PRMT2: variants seen among roughly 807,000 people sequenced by gnomAD.
PRMT2 encodes the protein protein arginine methyltransferase 2.
PRMT2 carries 26 observed loss-of-function variants against 57.6 expected under a neutral mutation model. The ratio of observed to expected loss-of-function variants is 0.45; its 90% CI spans 0.33 to 0.63. The LOEUF is 0.63. PRMT2 is among the 20% of genes least tolerant of loss of function. The pLI is 0.02. For synonymous variants in PRMT2, 219 were observed against 220.0 expected (o/e 1.00, Z 0.04); for missense variants, 472 against 564.4 (o/e 0.84, Z 1.66).
In PRMT2 at chr21:46,648,663, T is replaced by A; in HGVS notation, c.489+44T>A. Reference sequence around the variant, plus strand: ...GCATCCCGGGTGTTTGTGCCGAGGCTGGTGACGTCCGAGGTGGCCTCTGAG... The same window carrying A: ...GCATCCCGGGTGTTTGTGCCGAGGCAGGTGACGTCCGAGGTGGCCTCTGAG... On this transcript the variant is annotated intron_variant, in intron 6 of 11. Coordinates refer to ENST00000355680, the MANE Select transcript of PRMT2 (RefSeq NM_206962.4). This position sits in a 1 kb window ranked among gnomAD's most constrained non-coding sequence, Gnocchi z 4.8. The A allele has an allele frequency of 6.2e-7, 1 of 1,600,358 alleles. No homozygotes were observed. Among genetic ancestry groups the A allele is most frequent in the South Asian group, 1.1e-5 (1 of 90,534 alleles).
intron 7 of PRMT2, chr21:46,651,950 C>G: frequency 6.2e-7 from 1 of 1,613,334 alleles, no homozygotes; most frequent in Admixed American, 1.7e-5. Flanking sequence ...TCTGCCTGTT[C>G]TCAGAGCCCC....
chr21:46,664,177 T>A (rs1010016292), intron 11 of PRMT2, 118 bp from the exon 12 acceptor site: 5 of 804,830 alleles, frequency 6.2e-6, no homozygotes, highest in African/African-American at 1.7e-5. Context: ...GTTTGTCATT[T>A]AAAAAAATTC....
rs1280614199 is a variant in PRMT2, at chr21:46,649,753, T to TGCGG, written c.654+17_654+20dup. The TGCGG allele has an allele frequency of 1.2e-6, 2 of 1,608,718 alleles. No homozygotes were observed. Among genetic ancestry groups the TGCGG allele is most frequent in the Non-Finnish European group, 1.7e-6 (2 of 1,177,770 alleles). ...ACCTGCCTGCTGGTGAGGGCGGGCG[T>TGCGG]GCGGGCAGCTGGGGGCCGGAGCTGG... On this transcript the variant is annotated intron_variant, in intron 7 of 11. Coordinates refer to ENST00000355680, the MANE Select transcript of PRMT2 (RefSeq NM_206962.4). The surrounding 1 kb of genome is among the most constrained non-coding windows in gnomAD (Gnocchi z 4.8).
chr21:46,645,102 T>C (rs371188384), intron 5 of PRMT2, among the ~76,000 whole-genome samples: 4 of 112,742 alleles, frequency 3.5e-5, no homozygotes, highest in Non-Finnish European at 5.9e-5. Flanking sequence ...AAAAAAAAAA[T>C]TAAAAAAAAA....
chr21:46,649,414 G>C lies in PRMT2; in HGVS notation c.490-161G>C, dbSNP rs1257397635. On this transcript the variant is annotated intron_variant, in intron 6 of 11. Coordinates refer to ENST00000355680, the MANE Select transcript of PRMT2 (RefSeq NM_206962.4). The surrounding 1 kb of genome is among the most constrained non-coding windows in gnomAD (Gnocchi z 4.8). ...GGCGGCTCCTTTCTGGGTGCCCCTG[G>C]AGGGGCAGGTGTGGCCAGTCCTCGC... The C allele has an allele frequency of 1.3e-5, 14 of 1,114,718 alleles. No individual in the cohort carries two copies. The highest frequency in any genetic ancestry group is 1.7e-5 in the Non-Finnish European group (13 of 753,096). 69.1% of individuals were successfully genotyped at this position (1,114,718 alleles called of 1,614,324 possible).
chr21:46,659,989 A>C, intron 8 of PRMT2: 2 of 983,660 alleles, frequency 2.0e-6, no homozygotes, highest in Non-Finnish European at 2.4e-6. Flanking sequence ...GGATAAAAAT[A>C]AGTATATCAC....
chr21:46,661,963 GTGC>G, intron 10 of PRMT2, 27 bp downstream of exon 10: 1 of 1,173,916 alleles, frequency 8.5e-7, no homozygotes, highest in Non-Finnish European at 1.1e-6. Flanking sequence ...CGGGCACGGG[GTGC>G]GGGGTGGGGG....
chr21:46,659,076 T>G, intron 8 of PRMT2, 156 bp downstream of exon 8: 1 of 1,426,088 alleles, frequency 7.0e-7, no homozygotes, highest in Non-Finnish European at 9.2e-7. Context: ...ATTGGAGTAA[T>G]TAAAGCAGTA....
rs959146221 is a variant in PRMT2, at chr21:46,648,825, G to C, written c.489+206G>C. 6.6e-6 allele frequency among the ~76,000 whole-genome samples: 1 copy of C among 152,216 alleles called. No individual in the cohort carries two copies. Among genetic ancestry groups the C allele is most frequent in the South Asian group, 2.1e-4 (1 of 4,838 alleles). On this transcript the variant is annotated intron_variant, in intron 6 of 11. Transcript: ENST00000355680. This position sits in a 1 kb window ranked among gnomAD's most constrained non-coding sequence, Gnocchi z 4.8. ...GCGTGCTAGAGGCCGTGGCGCCCGC[G>C]TACAATGAGTCGCAGACAGCACAGA...
At chr21:46,651,672 C>A in intron 7 of PRMT2, 1 of 1,009,370 alleles carries the variant, frequency 9.9e-7, no homozygotes, top group Non-Finnish European at 1.5e-6. Context: ...AGGCCCAGAA[C>A]AGGGCAGACG....
chr21:46,644,139 G>A (rs1204836536), intron 4 of PRMT2, among the ~76,000 whole-genome samples, 167 bp from the exon 5 acceptor site: 1 of 152,088 alleles, frequency 6.6e-6, no homozygotes, highest in Non-Finnish European at 1.5e-5. Flanking sequence ...CAGAGGCATC[G>A]CTAAGTCATG....
chr21:46,641,641 G>A (rs2061276666), intron 3 of PRMT2, among the ~76,000 whole-genome samples: 1 of 151,954 alleles, frequency 6.6e-6, no homozygotes. Flanking sequence ...GCAGTGAGCC[G>A]AGATTGTGCC....
intron 3 of PRMT2, among the ~76,000 whole-genome samples, chr21:46,640,236 G>A (rs1353482031): frequency 1.3e-5 from 2 of 151,864 alleles, no homozygotes; most frequent in South Asian, 2.1e-4. Context: ...ATTGCTTTAC[G>A]CTATCGAGTC....
chr21:46,643,496 C>G, intron 3 of PRMT2, 39 bp from the exon 4 acceptor site: 3 of 1,407,420 alleles, frequency 2.1e-6, no homozygotes, highest in African/African-American at 1.5e-5. Flanking sequence ...AAAAAAAGCT[C>G]CAGCGTCCTC....
At chr21:46,662,305 C>A (rs1017234592) in intron 10 of PRMT2, among the ~76,000 whole-genome samples, 1 of 152,210 alleles carries the variant, frequency 6.6e-6, no homozygotes, top group African/African-American at 2.4e-5. Context: ...TTTGGAGGTG[C>A]CTGTTTTTTG....
chr21:46,643,298 T>G (rs1242059484), intron 3 of PRMT2: 1 of 705,406 alleles, frequency 1.4e-6, no homozygotes, highest in East Asian at 5.1e-5. Context: ...TGTTTCTGAC[T>G]TCTTGCTTTG....
At chr21:46,647,954 T>C (rs1165783136) in intron 5 of PRMT2, among the ~76,000 whole-genome samples, 1 of 152,186 alleles carries the variant, frequency 6.6e-6, no homozygotes, top group Admixed American at 6.5e-5. Context: ...CTGCAAGAGC[T>C]AGGTCTCCAG....
At chr21:46,656,780 C>T (rs1017174872) in intron 7 of PRMT2, 1 of 152,148 alleles carries the variant, frequency 6.6e-6, no homozygotes, top group Non-Finnish European at 1.5e-5. Context: ...AGACTTTTTA[C>T]TCTAAAAGCG....
chr21:46,648,734 C>G lies in PRMT2; in HGVS notation c.489+115C>G. ...AGCTGTTGGGGGCTCACCGGTGACT[C>G]CATGGTCTTGTTGAGCACCCTGCAC... On this transcript the variant is annotated intron_variant, in intron 6 of 11. Transcript: ENST00000355680. The surrounding 1 kb of genome is among the most constrained non-coding windows in gnomAD (Gnocchi z 4.8). 7.4e-7 allele frequency: 1 copy of G among 1,359,042 alleles called. No homozygotes were observed. Among genetic ancestry groups the G allele is most frequent in the Non-Finnish European group, 1.0e-6 (1 of 984,120 alleles). The allele number at this position is 1,359,042 out of a possible 1,614,324, so 84.2% of individuals were successfully genotyped here.
Sources: allele counts gnomAD v4.1 joint callset (sites outside exome capture counted in the v4.1 genomes callset), GRCh38; gene constraint gnomAD v4.1.1; non-coding constraint Gnocchi (gnomAD v3.1); transcripts MANE v1.5; gene names NCBI Gene and HGNC (gene_info 2026-07-23, HGNC 2026-07-21).